GNB5: variants seen among roughly 807,000 people sequenced by gnomAD.
GNB5 encodes the protein guanine nucleotide-binding protein subunit beta-5.
GNB5 carries 37 observed loss-of-function variants against 55.3 expected under a neutral mutation model. The observed-to-expected ratio is 0.67, with a 90% CI of 0.51 to 0.88. The LOEUF (loss-of-function observed/expected upper bound fraction) is 0.88. Among genes scored for constraint, GNB5 ranks in the 40% least tolerant of loss-of-function variants. The pLI is 0.00. For missense variants in GNB5, 476 were observed against 515.3 expected (o/e 0.92, Z 0.74); for synonymous variants, 219 against 198.5 (o/e 1.10, Z -0.87).
In GNB5 at chr15:52,154,055, A is replaced by G; in HGVS notation, c.260T>C (p.Val87Ala). 6.2e-7 allele frequency: 1 copy of G among 1,613,966 alleles called. No individual in the cohort carries two copies. ...CATGACAAACTGCCCCAGGGCCTCC[A>G]CCCGCTCCGCCACCTGGTGCACTGG... ...DVELHQVAER[V>A]EALGQFVMKT... The change falls in exon 4 of 13, where the codon GTG (valine) becomes GCG (alanine). Residue 87 changes from valine (V) to alanine (A), a missense_variant. Coordinates refer to ENST00000261837, the MANE Select transcript of GNB5 (RefSeq NM_016194.4).
chr15:52,190,653 A>G (rs1372749836), intron 1 of GNB5, among the ~76,000 whole-genome samples: 13 of 152,110 alleles, frequency 8.5e-5, no homozygotes, highest in Admixed American at 3.3e-4. Flanking sequence ...TAGTGGGAGT[A>G]TAAGTCGGTA....
At chr15:52,125,876 G>A (rs1263899078) in intron 11 of GNB5, 72 bp downstream of exon 11, 8 of 700,642 alleles carry the variant, frequency 1.1e-5, no homozygotes, top group East Asian at 5.4e-5. Flanking sequence ...GGAACTGAGC[G>A]ATGATGGAGC....
At chr15:52,152,339 A>G (rs954879915) in intron 4 of GNB5, among the ~76,000 whole-genome samples, 18 of 147,840 alleles carry the variant, frequency 1.2e-4, no homozygotes, top group African/African-American at 3.5e-4. Context: ...TTTTTTGGAG[A>G]AAAAAAAACA....
intron 5 of GNB5, among the ~76,000 whole-genome samples, chr15:52,148,759 G>C (rs892483508): frequency 6.6e-6 from 1 of 152,174 alleles, no homozygotes; most frequent in African/African-American, 2.4e-5. Flanking sequence ...TACTATTGTC[G>C]ATAGCAGCCT....
intron 1 of GNB5, among the ~76,000 whole-genome samples, chr15:52,185,753 T>TTATTATTATTATTATTA (rs1555409558): frequency 7.3e-6 from 1 of 136,724 alleles, no homozygotes; most frequent in Admixed American, 7.4e-5. Context: ...TATTCATCTT[T>TTATTATTATTATTATTA]TTATTATTAT....
At chr15:52,169,595 A>G (rs1048501093) in intron 3 of GNB5, among the ~76,000 whole-genome samples, 2 of 151,340 alleles carry the variant, frequency 1.3e-5, no homozygotes, top group Non-Finnish European at 3.0e-5. Context: ...GAAAAAAAGA[A>G]AAGAAAGAAA....
In GNB5 at chr15:52,141,421, TTTTC is replaced by T. The variant is rs538651389; in HGVS notation, c.495-153_495-150del. The stretch of plus-strand genomic sequence containing the variant: ...TCCAACTTTTACTTTGAAGATTTTC[TTTTC>T]TTTCTTTCTTTTTTTTTTTTTAAAT... On this transcript the variant is annotated intron_variant, in intron 6 of 12. Transcript: ENST00000261837. The T allele has an allele frequency of 5.3e-4, 343 of 650,182 alleles. 1 individual carries two copies. The highest frequency in any genetic ancestry group is 4.4e-3 in the African/African-American group (237 of 53,624). The allele number at this position is 650,182 out of a possible 1,614,324, so 40.3% of individuals were successfully genotyped here. A position where few individuals can be genotyped will look rare whatever the true frequency, so the allele number is the denominator to read the frequency against.
intron 3 of GNB5, 72 bp downstream of exon 3, chr15:52,179,696 C>T: frequency 1.1e-6 from 1 of 927,968 alleles, no homozygotes; most frequent in South Asian, 2.4e-5. Context: ...GCCCCCACCG[C>T]CCCCGCCGTC....
In GNB5 at chr15:52,118,255, G is replaced by A. The variant is rs1356283740; in HGVS notation, c.*4502C>T. The stretch of plus-strand genomic sequence containing the variant: ...AGAGGGGCTGGAAAAGGGCTCATTA[G>A]CCCAGATCAGCTGTTCTCAAAGCAA... On this transcript the variant is annotated 3_prime_UTR_variant, in exon 13 of 13. Transcript: ENST00000261837. 6.6e-6 allele frequency: 1 copy of A among 152,170 alleles called. No individual in the cohort carries two copies. The highest frequency in any genetic ancestry group is 1.5e-5 in the Non-Finnish European group (1 of 68,052). 9.4% of individuals were successfully genotyped at this position (152,170 alleles called of 1,614,324 possible). A position where few individuals can be genotyped will look rare whatever the true frequency, so the allele number is the denominator to read the frequency against.
chr15:52,117,289 C>T lies in GNB5; in HGVS notation c.*5468G>A, dbSNP rs2033167450. The T allele has an allele frequency of 6.6e-6, 1 of 151,662 alleles. No homozygotes were observed. The highest frequency in any genetic ancestry group is 1.5e-5 in the Non-Finnish European group (1 of 67,946). 9.4% of individuals were successfully genotyped at this position (151,662 alleles called of 1,614,324 possible). On this transcript the variant is annotated 3_prime_UTR_variant, in exon 13 of 13. Coordinates refer to ENST00000261837, the MANE Select transcript of GNB5 (RefSeq NM_016194.4). ...ACAGTTTACTACAGCACACATATTCCTGTTGCAATGCCCTACTTTTGATTA... is the reference window on the plus strand; with the variant it reads ...ACAGTTTACTACAGCACACATATTCTTGTTGCAATGCCCTACTTTTGATTA...
intron 7 of GNB5, chr15:52,140,056 A>T (rs2033816761): frequency 2.1e-6 from 2 of 932,766 alleles, no homozygotes; most frequent in Non-Finnish European, 2.8e-6. Context: ...ATTCCTGGTT[A>T]GGCTCAAATA....
chr15:52,141,040 A>C (rs2033840234), intron 7 of GNB5, 100 bp downstream of exon 7: 1 of 933,620 alleles, frequency 1.1e-6, no homozygotes, highest in African/African-American at 1.6e-5. Flanking sequence ...ACTGGAGCAC[A>C]GCCATCTTGT....
In GNB5 at chr15:52,185,755, TATTATTATTATTATTA is replaced by T. The variant is rs1464308606; in HGVS notation, c.-18-1077_-18-1062del. On this transcript the variant is annotated intron_variant, in intron 1 of 12. Coordinates refer to ENST00000261837, the MANE Select transcript of GNB5 (RefSeq NM_016194.4). ...ACTTTGAGCTGTGTATTCATCTTTT[TATTATTATTATTATTA>T]TTATTATTATTATTATTATTATTAT... Among the ~76,000 whole-genome samples the T allele has an allele frequency of 3.6e-4, 35 of 95,964 alleles. 1 individual carries two copies. The highest frequency in any genetic ancestry group is 1.9e-3 in the African/African-American group (32 of 17,044). 63.0% of individuals were successfully genotyped at this position (95,964 alleles called of 152,430 possible).
chr15:52,140,798 C>T (rs1182659541), intron 7 of GNB5, among the ~76,000 whole-genome samples: 1 of 152,164 alleles, frequency 6.6e-6, no homozygotes, highest in East Asian at 1.9e-4. Context: ...AGCCCGACAG[C>T]TCAGTGAAGC....
intron 7 of GNB5, among the ~76,000 whole-genome samples, chr15:52,136,064 A>AACACAC (rs147163026): frequency 0.089 from 8,701 of 97,942 alleles, 725 homozygotes; most frequent in Admixed American, 0.19. Context: ...GGAAAAGCAG[A>AACACAC]ACACACACAC....
intron 3 of GNB5, among the ~76,000 whole-genome samples, chr15:52,174,092 CAGAG>C (rs754726995): frequency 2.0e-5 from 3 of 152,096 alleles, no homozygotes; most frequent in Admixed American, 1.3e-4. Flanking sequence ...GGGTTAGAGT[CAGAG>C]AGAGAGGTGA....
chr15:52,140,462 G>A (rs1048549036), intron 7 of GNB5, among the ~76,000 whole-genome samples: 18 of 152,124 alleles, frequency 1.2e-4, no homozygotes, highest in Non-Finnish European at 2.4e-4. Flanking sequence ...CCTCCTGCTC[G>A]GAGCTCCCCA....
In GNB5 at chr15:52,162,172, A is replaced by G. The variant is rs149013520; in HGVS notation, c.239-8096T>C. ...CAGTTAACAAATTAAAGGTGAATGC[A>G]TATCTCCTCGGAGCCTGCACCCTGC... On this transcript the variant is annotated intron_variant, in intron 3 of 12. Transcript: ENST00000261837. 4.6e-5 allele frequency among the ~76,000 whole-genome samples: 7 copies of G among 152,320 alleles called. No individual in the cohort carries two copies. In the East Asian group the frequency reaches 1.2e-3, roughly 25 times the overall value.
chr15:52,126,415 A>T (rs2033432040), intron 10 of GNB5, among the ~76,000 whole-genome samples: 1 of 152,212 alleles, frequency 6.6e-6, no homozygotes, highest in East Asian at 1.9e-4. Flanking sequence ...CCTAAATCCT[A>T]GAGGTATTTA....
Sources: gnomAD v4.1 joint callset for allele counts (sites outside exome capture counted in the v4.1 genomes callset) on GRCh38, gnomAD v4.1.1 for gene constraint, MANE v1.5 for transcripts, NCBI Gene and HGNC (gene_info 2026-07-23, HGNC 2026-07-21) for gene names.